Variants in RUFY4 observed in about 807,000 individuals in gnomAD.
RUFY4 encodes the protein RUN and FYVE domain-containing protein 4.
In RUFY4, 73 loss-of-function variants were observed where a neutral mutation model predicts 69.0. The ratio of observed to expected loss-of-function variants is 1.06; its 90% CI spans 0.88 to 1.29. RUFY4 has a LOEUF of 1.29. Among genes scored for constraint, RUFY4 ranks in the 50% most tolerant of loss-of-function variants. RUFY4 has a pLI of 0.00. For missense variants in RUFY4, 770 were observed against 705.6 expected, an observed-to-expected ratio of 1.09 and a Z score of -1.03; for synonymous variants, 287 against 271.8, an observed-to-expected ratio of 1.06 and a Z score of -0.55.
At chr2:218,082,044 G>T (rs575254965) in intron 8 of RUFY4, among the ~76,000 whole-genome samples, 85 of 152,318 alleles carry the variant, frequency 5.6e-4, no homozygotes, top group South Asian at 4.6e-3. Context: ...CGCCCTCCCA[G>T]CTGAGCCAGG....
intron 8 of RUFY4, among the ~76,000 whole-genome samples, chr2:218,081,726 T>C (rs1261584754): frequency 6.6e-6 from 1 of 152,208 alleles, no homozygotes; most frequent in African/African-American, 2.4e-5. Flanking sequence ...GACTAGAATG[T>C]TCATTAAAAT....
intron 8 of RUFY4, among the ~76,000 whole-genome samples, chr2:218,077,391 T>A (rs1689659456): frequency 6.6e-6 from 1 of 152,184 alleles, no homozygotes; most frequent in Non-Finnish European, 1.5e-5. Context: ...TCTCTCTTTC[T>A]TTTTGTAGAG....
At chr2:218,081,888 T>G (rs1689766426) in intron 8 of RUFY4, among the ~76,000 whole-genome samples, 1 of 152,188 alleles carries the variant, frequency 6.6e-6, no homozygotes, top group South Asian at 2.1e-4. Context: ...AAGGGGGTGT[T>G]TTAAAATTAC....
chr2:218,048,929 C>A (rs1212520155), intron 2 of RUFY4, among the ~76,000 whole-genome samples: 1 of 152,128 alleles, frequency 6.6e-6, no homozygotes, highest in African/African-American at 2.4e-5. Flanking sequence ...GTTAAATCTC[C>A]CATGGGTTAA....
At chr2:218,037,300 A>G (rs1958993678) in intron 2 of RUFY4, among the ~76,000 whole-genome samples, 1 of 148,390 alleles carries the variant, frequency 6.7e-6, no homozygotes, top group African/African-American at 2.5e-5. Flanking sequence ...AGCCTGGGCA[A>G]TAGTGCAAAA....
rs186174685 is a variant in RUFY4 at position 218,079,024 on chromosome 2, C to T, written c.1355+2491C>T. Among the ~76,000 whole-genome samples, 293 of 152,248 alleles carry T rather than the reference C, an allele frequency of 1.9e-3. 1 individual carries two copies. The highest frequency in any genetic ancestry group is 6.5e-3 in the African/African-American group (269 of 41,528). On this transcript the variant is annotated intron_variant, in intron 8 of 10. Coordinates refer to ENST00000344321, the Ensembl canonical transcript of RUFY4. ...CTGGGATTACAGACACCTGCCACCA[C>T]GCCCAGCTAATTTTTTGTATTTTTA...
intron 8 of RUFY4, among the ~76,000 whole-genome samples, chr2:218,082,182 C>T (rs975266693): frequency 6.6e-6 from 1 of 152,194 alleles, no homozygotes; most frequent in Admixed American, 6.5e-5. Flanking sequence ...GGAGCTGAGA[C>T]GCCACCAAGC....
chr2:218,040,498 G>C (rs1959046343), intron 2 of RUFY4, among the ~76,000 whole-genome samples: 1 of 152,092 alleles, frequency 6.6e-6, no homozygotes, highest in Non-Finnish European at 1.5e-5. Flanking sequence ...CTTTATTTTA[G>C]AAAACGTGTT....
chr2:218,056,096 G>T (rs1398676071), intron 2 of RUFY4, among the ~76,000 whole-genome samples: 1 of 152,154 alleles, frequency 6.6e-6, no homozygotes, highest in African/African-American at 2.4e-5. Flanking sequence ...CTTTAATTCA[G>T]CTCACTCACG....
chr2:218,049,942 T>C (rs1688908609), intron 2 of RUFY4, among the ~76,000 whole-genome samples: 1 of 152,116 alleles, frequency 6.6e-6, no homozygotes, highest in Non-Finnish European at 1.5e-5. Flanking sequence ...CAGGGATGGG[T>C]CCCTGGTGAA....
At chr2:218,076,640 G>A in intron 8 of RUFY4, 107 bp downstream of exon 10, 3 of 1,482,192 alleles carry the variant, frequency 2.0e-6, no homozygotes, top group Middle Eastern at 1.8e-4. Context: ...CATGCACCAG[G>A]CCCTGGACTG....
At chr2:218,090,169 C>T in exon 11 of RUFY4, 1 of 553,716 alleles carries the variant, frequency 1.8e-6, no homozygotes, top group South Asian at 1.6e-5. Flanking sequence ...TCATTCTAGA[C>T]ACTGAAGATC....
upstream of RUFY4, among the ~76,000 whole-genome samples, chr2:218,065,087 G>A (rs763041032): frequency 6.6e-6 from 1 of 152,174 alleles, no homozygotes; most frequent in South Asian, 2.1e-4. Flanking sequence ...AACGGGTGGA[G>A]AATCATCTCA....
chr2:218,065,504 C>T (rs953805966), upstream of RUFY4: 1 of 152,512 alleles, frequency 6.6e-6, no homozygotes, highest in African/African-American at 2.4e-5. Context: ...CACTCACTCA[C>T]TCACCTTTCC....
In RUFY4 at chr2:218,083,092, T is replaced by A. The variant is rs1359424878; in HGVS notation, c.1356-18T>A. ...TGAGCTTTGCCCCCTGAGAACCTAG[T>A]CTTCCTTCTGTACCCAGGTGTCAGG... On this transcript the variant is annotated intron_variant, in intron 8 of 10. Coordinates refer to ENST00000344321, the Ensembl canonical transcript of RUFY4. 1 of 1,611,914 alleles carries A rather than the reference T, an allele frequency of 6.2e-7. No homozygotes were observed. The highest frequency in any genetic ancestry group is 1.7e-5 in the Admixed American group (1 of 59,942).
intron 9 of RUFY4, among the ~76,000 whole-genome samples, chr2:218,086,708 G>T (rs1184927457): frequency 6.6e-6 from 1 of 152,120 alleles, no homozygotes; most frequent in Non-Finnish European, 1.5e-5. Flanking sequence ...AGTAAGCCAA[G>T]AAAGGAGAAG....
chr2:218,067,384 T>TGTCC (rs1689365243), upstream of RUFY4, among the ~76,000 whole-genome samples: 1 of 152,218 alleles, frequency 6.6e-6, no homozygotes, highest in East Asian at 1.9e-4. Context: ...GCAGCCCAGA[T>TGTCC]GTCCGGGTAG....
exon 7 of RUFY4, chr2:218,075,532 T>C: frequency 6.5e-7 from 1 of 1,550,382 alleles, no homozygotes; most frequent in Non-Finnish European, 8.7e-7. Context: ...AGGCTGCTGA[T>C]GCCCAGCCCC....
chr2:218,084,254 C>A (rs1355153616), intron 9 of RUFY4, among the ~76,000 whole-genome samples: 1 of 150,186 alleles, frequency 6.7e-6, no homozygotes, highest in South Asian at 2.1e-4. Context: ...TTTTTTTTAA[C>A]GGAGTCTCGC....
Sources: gnomAD v4.1 joint callset for allele counts (sites outside exome capture counted in the v4.1 genomes callset) on GRCh38, gnomAD v4.1.1 for gene constraint, MANE v1.5 for transcripts, NCBI Gene and HGNC (gene_info 2026-07-23, HGNC 2026-07-21) for gene names.